NAB1: variants seen among roughly 807,000 people sequenced by gnomAD.
NAB1 encodes NGFI-A binding protein 1, also known as NGFI-A-binding protein 1.
Under a neutral mutation model 49.9 loss-of-function variants are expected in NAB1, and 25 were observed. The observed-to-expected ratio is 0.50, with a 90% CI of 0.37 to 0.70. The LOEUF is 0.70. Ranked by LOEUF, NAB1 falls within the 30% of genes least tolerant of loss-of-function variation. NAB1 has a pLI of 0.00. For synonymous variants in NAB1, 198 were observed against 215.6 expected (o/e 0.92, Z 0.71); for missense variants, 489 against 575.9 (o/e 0.85, Z 1.54).
Position 190,690,511 on chromosome 2 carries a change from A to G in NAB1, c.*178A>G, listed in dbSNP as rs1450249710. 2 of 534,138 alleles carry G rather than the reference A, an allele frequency of 3.7e-6. No individual in the cohort carries two copies. Among genetic ancestry groups the G allele is most frequent in the Non-Finnish European group, 6.7e-6 (2 of 299,418 alleles). 33.1% of individuals were successfully genotyped at this position (534,138 alleles called of 1,614,324 possible). ...CCAGGAAGATAAAACAACAGCCACA[A>G]AAGAGAAAATCAAGAGTGTTGCAAT... is the stretch of plus-strand genomic sequence containing the variant. On this transcript the variant is annotated 3_prime_UTR_variant, in exon 10 of 10. Transcript: ENST00000337386.
rs2125771830 is a variant in NAB1, at chr2:190,675,214, A to T, written c.1005+2062A>T. ...AAAAATTAGTTGCTAGGCTAGAAATATGTCTCTATCTATTTCTCACCATTG... is the reference window on the plus strand; with the variant it reads ...AAAAATTAGTTGCTAGGCTAGAAATTTGTCTCTATCTATTTCTCACCATTG... On this transcript the variant is annotated intron_variant, in intron 6 of 9. Transcript: ENST00000337386. This position sits in a 1 kb window ranked among gnomAD's most constrained non-coding sequence, Gnocchi z 5.2. 6.6e-6 allele frequency among the ~76,000 whole-genome samples: 1 copy of T among 152,332 alleles called. No homozygotes were observed. The highest frequency in any genetic ancestry group is 1.9e-4 in the East Asian group (1 of 5,192).
intron 8 of NAB1, 109 bp from the exon 9 acceptor site, chr2:190,687,092 G>A (rs190301407): frequency 1.6e-5 from 8 of 500,226 alleles, no homozygotes; most frequent in South Asian, 4.2e-5. Context: ...TTCAGTGCTC[G>A]TTGACTCTCC....
Position 190,659,852 on chromosome 2 carries a change from A to C in NAB1, c.676A>C (p.Lys226Gln), listed in dbSNP as rs745371114. ...AGTGAAAGAGCTGCTAAAAACCAAC[A>C]AGAAGTTGGCCAAAATGATTGGTCA... ...NEVKELLKTNKKLAKMIGHIF... is the reference protein window; with the variant it reads ...NEVKELLKTNQKLAKMIGHIF... Residue 226 changes from lysine to glutamine, a missense_variant, in exon 4 of 10, where the codon AAG becomes CAG. By Grantham distance (53) the Lys-to-Gln change is moderately conservative. Around this residue, in one of 4 missense-constraint regions of NAB1, gnomAD observed 204 missense variants for 220.9 expected, o/e 0.92. Transcript: ENST00000337386. The surrounding 1 kb of genome is among the most constrained non-coding windows in gnomAD (Gnocchi z 6.2). The C allele has an allele frequency of 6.2e-7, 1 of 1,614,242 alleles. No individual in the cohort carries two copies. Among genetic ancestry groups the C allele is most frequent in the Non-Finnish European group, 8.5e-7 (1 of 1,180,036 alleles).
In NAB1 at chr2:190,678,538, C is replaced by T. The variant is rs1695181080; in HGVS notation, c.1006-5200C>T. On this transcript the variant is annotated intron_variant, in intron 6 of 9. Coordinates refer to ENST00000337386, the MANE Select transcript of NAB1 (RefSeq NM_005966.4). This position sits in a 1 kb window ranked among gnomAD's most constrained non-coding sequence, Gnocchi z 4.9. The stretch of plus-strand genomic sequence containing the variant: ...ATGGGAAATGACAGCATTCTTGACC[C>T]TGTGGGAGTCAGAGGTGCAAAGCAT... 6.6e-6 allele frequency among the ~76,000 whole-genome samples: 1 copy of T among 152,154 alleles called. No individual in the cohort carries two copies. The highest frequency in any genetic ancestry group is 6.6e-5 in the Admixed American group (1 of 15,266).
Position 190,684,215 on chromosome 2 carries a change from G to A in NAB1, c.1095+388G>A, listed in dbSNP as rs1695497446. Among the ~76,000 whole-genome samples, 1 of 152,140 alleles carries A rather than the reference G, an allele frequency of 6.6e-6. No homozygotes were observed. The highest frequency in any genetic ancestry group is 1.5e-5 in the Non-Finnish European group (1 of 68,004). ...ATTAATAGTCAACATTGTAATTATT[G>A]TTAAATCTTTTAAATTCATATTTAT... On this transcript the variant is annotated intron_variant, in intron 7 of 9. Transcript: ENST00000337386. The surrounding 1 kb of genome is among the most constrained non-coding windows in gnomAD (Gnocchi z 4.6).
chr2:190,687,153 C>A, intron 8 of NAB1, 48 bp from the exon 9 acceptor site: 1 of 1,224,110 alleles, frequency 8.2e-7, no homozygotes, highest in South Asian at 1.8e-5. Context: ...TAAGAAAAAC[C>A]ATGGTATGTT....
rs1264524306 is a variant in NAB1 at position 190,692,406 on chromosome 2, G to A, written c.*2073G>A. 7 of 152,436 alleles carry A rather than the reference G, an allele frequency of 4.6e-5. No homozygotes were observed. Among genetic ancestry groups the A allele is most frequent in the Admixed American group, 2.6e-4 (4 of 15,270 alleles). The allele number at this position is 152,436 out of a possible 1,614,324, so 9.4% of individuals were successfully genotyped here. ...CTATCTTATGTTTCTAGTCTTTCAA[G>A]CTTAGTGATAAGGTGGAAGCACAAG... On this transcript the variant is annotated 3_prime_UTR_variant, in exon 10 of 10. Transcript: ENST00000337386. This position sits in a 1 kb window ranked among gnomAD's most constrained non-coding sequence, Gnocchi z 5.2.
In NAB1 at chr2:190,686,974, T is replaced by G. The variant is rs1695637800; in HGVS notation, c.1259-227T>G. On this transcript the variant is annotated intron_variant, in intron 8 of 9. Coordinates refer to ENST00000337386, the MANE Select transcript of NAB1 (RefSeq NM_005966.4). The surrounding 1 kb of genome is among the most constrained non-coding windows in gnomAD (Gnocchi z 5.5). The stretch of plus-strand genomic sequence containing the variant: ...AATTCTCAGTCTTTTGTTTAGCTCT[T>G]AAAAATATCCTGGCAGAATTGTAAA... Among the ~76,000 whole-genome samples the G allele has an allele frequency of 6.6e-6, 1 of 152,146 alleles. No homozygotes were observed. Among genetic ancestry groups the G allele is most frequent in the Non-Finnish European group, 1.5e-5 (1 of 68,012 alleles).
In NAB1 at chr2:190,654,492, A is replaced by G. The variant is rs1233431306; in HGVS notation, c.-196-1485A>G. Reference sequence around the variant, plus strand: ...GAAAGGCTGTGAAGGTTGGAGGGAGAGAGGATGCCTGGCACAGGGGCAGGG... The same window carrying G: ...GAAAGGCTGTGAAGGTTGGAGGGAGGGAGGATGCCTGGCACAGGGGCAGGG... On this transcript the variant is annotated intron_variant, in intron 2 of 9. Coordinates refer to ENST00000337386, the MANE Select transcript of NAB1 (RefSeq NM_005966.4). The surrounding 1 kb of genome is among the most constrained non-coding windows in gnomAD (Gnocchi z 5.6). Among the ~76,000 whole-genome samples the G allele has an allele frequency of 6.6e-6, 1 of 152,128 alleles. No homozygotes were observed. The highest frequency in any genetic ancestry group is 1.5e-5 in the Non-Finnish European group (1 of 68,008).
At chr2:190,683,713 A>G in intron 6 of NAB1, 25 bp from the exon 7 acceptor site, 1 of 1,537,348 alleles carries the variant, frequency 6.5e-7, no homozygotes, top group Non-Finnish European at 8.9e-7. Context: ...CTCTAAATAT[A>G]AAGGACTTCT....
At position 190,691,646 on chromosome 2, in the gene NAB1, T is replaced by C. The variant is rs1247051379; in HGVS notation, c.*1313T>C. 6 of 152,172 alleles carry C rather than the reference T, an allele frequency of 3.9e-5. No homozygotes were observed. The allele number at this position is 152,172 out of a possible 1,614,324, so 9.4% of individuals were successfully genotyped here. A position where few individuals can be genotyped will look rare whatever the true frequency, so the allele number is the denominator to read the frequency against. On this transcript the variant is annotated 3_prime_UTR_variant, in exon 10 of 10. Transcript: ENST00000337386. The surrounding 1 kb of genome is among the most constrained non-coding windows in gnomAD (Gnocchi z 4.1). ...GTAAAACAACATACATCTGCCAATA[T>C]ACGTTTTTTCTGTTGGTTTAAGAGA...
rs1269407051 is a variant in NAB1, at chr2:190,656,404, G to A, written c.-20+251G>A. On this transcript the variant is annotated intron_variant, in intron 3 of 9. Coordinates refer to ENST00000337386, the MANE Select transcript of NAB1 (RefSeq NM_005966.4). ...GGTGGGTGTTTAAATTATCACAGCC[G>A]GCTTTGGAAGGAAACTGAAACATTC... is the stretch of plus-strand genomic sequence containing the variant. Among the ~76,000 whole-genome samples, 3 of 152,176 alleles carry A rather than the reference G, an allele frequency of 2.0e-5. No homozygotes were observed. In the East Asian group the frequency reaches 5.8e-4, roughly 29 times the overall value.
chr2:190,685,526 T>G lies in NAB1; in HGVS notation c.1146T>G (p.Ala382=), dbSNP rs755821064. Residue 382 remains alanine (A), a synonymous_variant, in exon 8 of 10, where the codon GCT becomes GCG. Transcript: ENST00000337386. The surrounding 1 kb of genome is among the most constrained non-coding windows in gnomAD (Gnocchi z 4.5). ...AGATGGAGTTCCTTTGCAACCAAGC[T>G]GGCTATGAGAGACTGCAGCATGCCG... ...AKQMEFLCNQ[A]GYERLQHAER... 1 of 1,613,738 alleles carries G rather than the reference T, an allele frequency of 6.2e-7. No homozygotes were observed. Among genetic ancestry groups the G allele is most frequent in the Admixed American group, 1.7e-5 (1 of 59,920 alleles).
intron 4 of NAB1, among the ~76,000 whole-genome samples, chr2:190,662,551 T>A (rs1694280695): frequency 6.6e-6 from 1 of 152,016 alleles, no homozygotes; most frequent in Non-Finnish European, 1.5e-5. Flanking sequence ...AGAGGCGATA[T>A]CAGAAAAAAG....
In NAB1 at chr2:190,676,165, T is replaced by C. The variant is rs1695060233; in HGVS notation, c.1005+3013T>C. 6.6e-6 allele frequency among the ~76,000 whole-genome samples: 1 copy of C among 152,004 alleles called. No homozygotes were observed. The highest frequency in any genetic ancestry group is 1.5e-5 in the Non-Finnish European group (1 of 68,002). On this transcript the variant is annotated intron_variant, in intron 6 of 9. Coordinates refer to ENST00000337386, the MANE Select transcript of NAB1 (RefSeq NM_005966.4). This position sits in a 1 kb window ranked among gnomAD's most constrained non-coding sequence, Gnocchi z 4.6. ...GGGAAGGTGTAATTTGAGCTGGGTT[T>C]TTAAAAGAAGGGTAGAATTTCAAAA...
chr2:190,663,146 T>C lies in NAB1; in HGVS notation c.819+3151T>C, dbSNP rs1361893014. Among the ~76,000 whole-genome samples the C allele has an allele frequency of 6.6e-6, 1 of 152,238 alleles. No homozygotes were observed. Among genetic ancestry groups the C allele is most frequent in the African/African-American group, 2.4e-5 (1 of 41,460 alleles). On this transcript the variant is annotated intron_variant, in intron 4 of 9. Coordinates refer to ENST00000337386, the MANE Select transcript of NAB1 (RefSeq NM_005966.4). The surrounding 1 kb of genome is among the most constrained non-coding windows in gnomAD (Gnocchi z 4.2). ...TCTAACACTTGAAATGCTGGACTTT[T>C]CCTTCTGATGATTTTTAAAAATGAA...
At chr2:190,660,411 C>T (rs1024533532) in intron 4 of NAB1, among the ~76,000 whole-genome samples, 2 of 152,106 alleles carry the variant, frequency 1.3e-5, no homozygotes, top group African/African-American at 4.8e-5. Context: ...AAGCAATTCT[C>T]AGCTAGCATA....
chr2:190,658,659 C>T (rs1694056729), intron 3 of NAB1, among the ~76,000 whole-genome samples: 1 of 152,210 alleles, frequency 6.6e-6, no homozygotes, highest in Non-Finnish European at 1.5e-5. Context: ...TCATCTTGCT[C>T]ATTTTTTCTC....
chr2:190,666,958 G>A lies in NAB1; in HGVS notation c.820-3368G>A, dbSNP rs1380278139. Reference sequence around the variant, plus strand: ...CATTTTTCTTTTGTAATTATATCATGATAGTTATTGATGTGTTCATTATTA... The same window carrying A: ...CATTTTTCTTTTGTAATTATATCATAATAGTTATTGATGTGTTCATTATTA... On this transcript the variant is annotated intron_variant, in intron 4 of 9. Transcript: ENST00000337386. This position sits in a 1 kb window ranked among gnomAD's most constrained non-coding sequence, Gnocchi z 5.6. 2.0e-5 allele frequency among the ~76,000 whole-genome samples: 3 copies of A among 152,136 alleles called. No individual in the cohort carries two copies. Among genetic ancestry groups the A allele is most frequent in the Non-Finnish European group, 4.4e-5 (3 of 68,018 alleles).
Sources: gnomAD v4.1 joint callset for allele counts (sites outside exome capture counted in the v4.1 genomes callset) on GRCh38, gnomAD v4.1.1 for gene constraint, gnomAD v4.1.1 regional missense constraint, Gnocchi (gnomAD v3.1) non-coding constraint, MANE v1.5 for transcripts, NCBI Gene and HGNC (gene_info 2026-07-23, HGNC 2026-07-21) for gene names.